The following CDC42BPB variants were observed in gnomAD, a reference collection of about 807,000 sequenced individuals.
The protein encoded by CDC42BPB is serine/threonine-protein kinase MRCK beta.
Under a neutral mutation model 214.9 loss-of-function variants are expected in CDC42BPB, and 37 were observed. The observed-to-expected ratio is 0.17, with a 90% CI of 0.13 to 0.23. The LOEUF (loss-of-function observed/expected upper bound fraction) is 0.23. Among genes scored for constraint, CDC42BPB ranks in the 10% least tolerant of loss-of-function variants. The pLI, the probability that CDC42BPB is intolerant of heterozygous loss-of-function variation, is 1.00. For missense variants in CDC42BPB, 1,694 were observed against 2,227.0 expected (o/e 0.76, Z 4.82); for synonymous variants, 931 against 884.0 (o/e 1.05, Z -0.94).
chr14:103,036,840 A>G (rs1173082203), intron 1 of CDC42BPB, among the ~76,000 whole-genome samples: 2 of 152,094 alleles, frequency 1.3e-5, no homozygotes, highest in Non-Finnish European at 2.9e-5. Flanking sequence ...TTACTGAGAT[A>G]ATGTCTGGCT....
intron 18 of CDC42BPB, among the ~76,000 whole-genome samples, chr14:102,965,749 G>A (rs937778727): frequency 5.9e-5 from 9 of 152,188 alleles, no homozygotes; most frequent in Admixed American, 2.0e-4. Context: ...CTGAGGTCAG[G>A]GGTTTGAGAC....
intron 1 of CDC42BPB, among the ~76,000 whole-genome samples, chr14:103,048,552 A>C (rs868848999): frequency 1.4e-4 from 21 of 146,666 alleles, no homozygotes; most frequent in African/African-American, 5.1e-4. Context: ...AAAAAAAAAA[A>C]AAAAAAAAAT....
chr14:102,954,552 C>T, intron 22 of CDC42BPB, 50 bp downstream of exon 22: 1 of 1,532,962 alleles, frequency 6.5e-7, no homozygotes, highest in Non-Finnish European at 9.0e-7. Flanking sequence ...GTCACCTGGA[C>T]ACGAGGGCAG....
Position 102,944,873 on chromosome 14 carries a change from C to T in CDC42BPB, c.3812-386G>A, listed in dbSNP as rs534898829. Among the ~76,000 whole-genome samples, 1 of 152,272 alleles carries T rather than the reference C, an allele frequency of 6.6e-6. No homozygotes were observed. The highest frequency in any genetic ancestry group is 2.1e-4 in the South Asian group (1 of 4,828). ...TCCAGCTCATCCCCGAACCAGAGGG[C>T]CCTCACGCTGCACATGAGGGACAAA... is the stretch of plus-strand genomic sequence containing the variant. On this transcript the variant is annotated intron_variant, in intron 29 of 36. Transcript: ENST00000361246. This position sits in a 1 kb window ranked among gnomAD's most constrained non-coding sequence, Gnocchi z 6.6.
At position 102,959,858 on chromosome 14, in the gene CDC42BPB, AAAG is replaced by A. The variant is rs1331064577; in HGVS notation, c.2822-151_2822-149del. On this transcript the variant is annotated intron_variant, in intron 20 of 36. Transcript: ENST00000361246. The stretch of plus-strand genomic sequence containing the variant: ...ACAATTAAAAAAAAAAAAAAAAAAA[AAAG>A]GGGTCAGGCTTTTCCCCAGAGAGTA... 2.2e-3 allele frequency: 2,783 copies of A among 1,291,824 alleles called. 71 individuals carry two copies. The African/African-American group carries it at 0.045, about 21-fold the overall frequency. The allele number at this position is 1,291,824 out of a possible 1,614,324, so 80.0% of individuals were successfully genotyped here. A position where few individuals can be genotyped will look rare whatever the true frequency, so the allele number is the denominator to read the frequency against.
In CDC42BPB at chr14:103,012,324, T is replaced by G. The variant is rs1056392572; in HGVS notation, c.176-136A>C. On this transcript the variant is annotated intron_variant, in intron 1 of 36. Coordinates refer to ENST00000361246, the MANE Select transcript of CDC42BPB (RefSeq NM_006035.4). ...AAAATATTTAATATCTGACATGTTT[T>G]GGAAAGTGAGCACTTATACCAATGG... is the stretch of plus-strand genomic sequence containing the variant. 15 of 1,447,802 alleles carry G rather than the reference T, an allele frequency of 1.0e-5. No individual in the cohort carries two copies. The Admixed American group carries it at 3.8e-4, about 37-fold the overall frequency. 89.7% of individuals were successfully genotyped at this position (1,447,802 alleles called of 1,614,324 possible). A position where few individuals can be genotyped will look rare whatever the true frequency, so the allele number is the denominator to read the frequency against.
chr14:102,995,520 C>T (rs1034429878), intron 5 of CDC42BPB, among the ~76,000 whole-genome samples: 1 of 152,200 alleles, frequency 6.6e-6, no homozygotes, highest in Non-Finnish European at 1.5e-5. Context: ...TCTGCCTTTC[C>T]GGATATCATC....
At chr14:102,959,838 TA>T (rs35833302) in intron 20 of CDC42BPB, 128 bp from the exon 21 acceptor site, 109,475 of 704,488 alleles carry the variant, frequency 0.16, 45 homozygotes, top group Middle Eastern at 0.17. Flanking sequence ...TGATCACAAT[TA>T]AAAAAAAAAA....
chr14:102,978,354 G>T, intron 8 of CDC42BPB, 149 bp from the exon 9 acceptor site: 2 of 1,479,148 alleles, frequency 1.4e-6, no homozygotes, highest in Non-Finnish European at 9.0e-7. Context: ...CTCTGCAGGG[G>T]AGATGAGTAT....
At chr14:103,022,928 A>G (rs532008430) in intron 1 of CDC42BPB, among the ~76,000 whole-genome samples, 1 of 152,064 alleles carries the variant, frequency 6.6e-6, no homozygotes, top group South Asian at 2.1e-4. Flanking sequence ...ACCAGTCCAC[A>G]CCAGTTCTCT....
intron 28 of CDC42BPB, 69 bp from the exon 29 acceptor site, chr14:102,945,793 T>C: frequency 1.5e-6 from 2 of 1,356,350 alleles, no homozygotes; most frequent in Non-Finnish European, 2.1e-6. Flanking sequence ...TTTGAATGCG[T>C]GGGTGGGCTC....
At chr14:103,037,065 C>T (rs1887705613) in intron 1 of CDC42BPB, among the ~76,000 whole-genome samples, 2 of 151,802 alleles carry the variant, frequency 1.3e-5, no homozygotes, top group South Asian at 2.1e-4. Context: ...CTCTTATAGG[C>T]GTGAGCCACC....
rs1442280814 is a variant in CDC42BPB at position 102,944,716 on chromosome 14, C to A, written c.3812-229G>T. On this transcript the variant is annotated intron_variant, in intron 29 of 36. Coordinates refer to ENST00000361246, the MANE Select transcript of CDC42BPB (RefSeq NM_006035.4). The surrounding 1 kb of genome is among the most constrained non-coding windows in gnomAD (Gnocchi z 6.6). Reference sequence around the variant, plus strand: ...CATCCACAGCGCGCTCCTGGGGCAGCCTCGGGGGCTGGTCCAAAGGCTCCT... The same window carrying A: ...CATCCACAGCGCGCTCCTGGGGCAGACTCGGGGGCTGGTCCAAAGGCTCCT... The A allele has an allele frequency of 2.1e-6, 2 of 971,608 alleles. No homozygotes were observed. Among genetic ancestry groups the A allele is most frequent in the East Asian group, 1.1e-4 (1 of 8,766 alleles). The allele number at this position is 971,608 out of a possible 1,614,324, so 60.2% of individuals were successfully genotyped here.
At chr14:102,956,528 T>A in intron 21 of CDC42BPB, 1 of 463,736 alleles carries the variant, frequency 2.2e-6, no homozygotes, top group Non-Finnish European at 2.8e-6. Context: ...CCTTCCCATT[T>A]AAATCACAGA....
At chr14:102,959,544 G>T in intron 21 of CDC42BPB, 87 bp downstream of exon 21, 1 of 857,600 alleles carries the variant, frequency 1.2e-6, no homozygotes, top group Non-Finnish European at 1.9e-6. Flanking sequence ...GTGTGTTTGT[G>T]GCCCCATGAG....
chr14:102,995,557 G>A (rs1303501353), intron 5 of CDC42BPB, among the ~76,000 whole-genome samples: 3 of 152,216 alleles, frequency 2.0e-5, no homozygotes, highest in Non-Finnish European at 4.4e-5. Flanking sequence ...GGAAGGAGCT[G>A]TACCCACCTG....
chr14:102,999,816 C>G, intron 4 of CDC42BPB, 103 bp from the exon 5 acceptor site: 1 of 1,524,276 alleles, frequency 6.6e-7, no homozygotes, highest in South Asian at 1.3e-5. Context: ...GGCTCCAGGT[C>G]TGGCTCGTGG....
At chr14:102,946,767 C>T (rs1460221562) in intron 27 of CDC42BPB, 83 bp from the exon 28 acceptor site, 11 of 1,546,122 alleles carry the variant, frequency 7.1e-6, no homozygotes, top group African/African-American at 1.4e-5. Flanking sequence ...GCTGGAGCCA[C>T]GCACCCCAGG....
chr14:103,051,961 T>C (rs1888633228), intron 1 of CDC42BPB, among the ~76,000 whole-genome samples: 1 of 152,168 alleles, frequency 6.6e-6, no homozygotes, highest in African/African-American at 2.4e-5. Context: ...TCCTCCTGCC[T>C]CAGCCTCCCA....
Sources: allele counts gnomAD v4.1 joint callset (sites outside exome capture counted in the v4.1 genomes callset), GRCh38; gene constraint gnomAD v4.1.1; non-coding constraint Gnocchi (gnomAD v3.1); transcripts MANE v1.5; gene names NCBI Gene and HGNC (gene_info 2026-07-23, HGNC 2026-07-21).